Variants in CTNND2 observed in about 807,000 individuals in gnomAD.
The protein encoded by CTNND2 is catenin delta 2.
In CTNND2, 22 loss-of-function variants were observed where a neutral mutation model predicts 144.4. The ratio of observed to expected loss-of-function variants is 0.15; its 90% CI spans 0.11 to 0.22. The LOEUF is 0.22. CTNND2 is among the 10% of genes least tolerant of loss of function. CTNND2 has a pLI of 1.00. For synonymous variants in CTNND2, 751 were observed against 695.6 expected, an observed-to-expected ratio of 1.08 and a Z score of -1.25; for missense variants, 1,353 against 1,618.8, an observed-to-expected ratio of 0.84 and a Z score of 2.82.
chr5:11,314,848 C>A (rs201693252), intron 9 of CTNND2, among the ~76,000 whole-genome samples: 25,574 of 152,078 alleles, frequency 0.17, 2,471 homozygotes, highest in East Asian at 0.39. Context: ...ATGGGGTAGC[C>A]AGGGGTGGCT....
Position 11,384,838 on chromosome 5 carries a change from G to A in CTNND2, c.1004C>T (p.Pro335Leu), listed in dbSNP as rs896350842. 1 of 1,613,084 alleles carries A rather than the reference G, an allele frequency of 6.2e-7. No homozygotes were observed. Among genetic ancestry groups the A allele is most frequent in the East Asian group, 2.2e-5 (1 of 44,836 alleles). ...GGAGGAGATGGTGGACTGCACGGTGGGGGGCGAGGTCACGCGGATCGGGGA... is the reference window on the plus strand; with the variant it reads ...GGAGGAGATGGTGGACTGCACGGTGAGGGGCGAGGTCACGCGGATCGGGGA... ...GLSPIRVTSPPTVQSTISSSP... is the reference protein window; with the variant it reads ...GLSPIRVTSPLTVQSTISSSP... The change falls in exon 7 of 22, where the codon CCC (proline) becomes CTC (leucine). Residue 335 changes from proline (P) to leucine (L), a missense_variant. Around this residue, in one of 4 missense-constraint regions of CTNND2, gnomAD observed 708 missense variants for 706.4 expected, o/e 1.00. Transcript: ENST00000304623. The surrounding 1 kb of genome is among the most constrained non-coding windows in gnomAD (Gnocchi z 5.2).
In CTNND2 at chr5:11,407,509, C is replaced by A. The variant is rs1439368860; in HGVS notation, c.439+4027G>T. On this transcript the variant is annotated intron_variant, in intron 5 of 21. Coordinates refer to ENST00000304623, the MANE Select transcript of CTNND2 (RefSeq NM_001332.4). ...GGTCAAAAAGATGCGTACTGTGACT[C>A]AAATTTTATTTTAATCAGACCTTTG... Among the ~76,000 whole-genome samples, 3 of 152,152 alleles carry A rather than the reference C, an allele frequency of 2.0e-5. No homozygotes were observed. In the East Asian group the frequency reaches 5.8e-4, roughly 29 times the overall value.
intron 3 of CTNND2, among the ~76,000 whole-genome samples, chr5:11,509,066 G>A (rs1400259362): frequency 1.3e-5 from 2 of 152,124 alleles, no homozygotes; most frequent in South Asian, 2.1e-4. Flanking sequence ...TTTGACACAG[G>A]TAACTTTTTG....
At chr5:11,548,765 T>A (rs1775491042) in intron 3 of CTNND2, among the ~76,000 whole-genome samples, 1 of 152,216 alleles carries the variant, frequency 6.6e-6, no homozygotes, top group African/African-American at 2.4e-5. Flanking sequence ...ACATTTTGTT[T>A]CTTAAAATTC....
At chr5:11,683,402 A>T (rs1784508908) in intron 2 of CTNND2, among the ~76,000 whole-genome samples, 2 of 152,222 alleles carry the variant, frequency 1.3e-5, no homozygotes, top group Non-Finnish European at 1.5e-5. Context: ...CTCTTAAGTC[A>T]CATTTTTACA....
chr5:11,799,583 T>C (rs1791571924), intron 1 of CTNND2, among the ~76,000 whole-genome samples: 1 of 152,208 alleles, frequency 6.6e-6, no homozygotes, highest in Admixed American at 6.5e-5. Context: ...TACAGACTTT[T>C]TTGTGGAATT....
At chr5:11,480,012 A>T (rs551841189) in intron 3 of CTNND2, among the ~76,000 whole-genome samples, 28 of 152,228 alleles carry the variant, frequency 1.8e-4, no homozygotes, top group Non-Finnish European at 3.2e-4. Flanking sequence ...CTTAAGTTTA[A>T]TTAGATCCCA....
At chr5:11,049,367 G>A (rs185201530) in intron 16 of CTNND2, among the ~76,000 whole-genome samples, 2 of 152,156 alleles carry the variant, frequency 1.3e-5, no homozygotes, top group Non-Finnish European at 1.5e-5. Flanking sequence ...CCTCTCACTT[G>A]TCTGTGGAGT....
At chr5:11,332,419 T>C (rs1010714085) in intron 9 of CTNND2, among the ~76,000 whole-genome samples, 1 of 152,128 alleles carries the variant, frequency 6.6e-6, no homozygotes, top group Admixed American at 6.5e-5. Context: ...TTGGTTTCTG[T>C]CTATAGGAGG....
At chr5:11,631,779 C>T (rs1416363065) in intron 2 of CTNND2, among the ~76,000 whole-genome samples, 1 of 152,162 alleles carries the variant, frequency 6.6e-6, no homozygotes, top group Non-Finnish European at 1.5e-5. Context: ...TCTGATTGGC[C>T]TTGCCCCAGC....
chr5:11,619,499 T>C (rs1780735121), intron 2 of CTNND2, among the ~76,000 whole-genome samples: 1 of 152,198 alleles, frequency 6.6e-6, no homozygotes, highest in Non-Finnish European at 1.5e-5. Flanking sequence ...GAGAGTACAG[T>C]TGATATGTAG....
intron 2 of CTNND2, among the ~76,000 whole-genome samples, chr5:11,651,878 T>G (rs767142924): frequency 1.1e-4 from 16 of 152,192 alleles, no homozygotes; most frequent in Non-Finnish European, 1.3e-4. Context: ...TGTTTTTATT[T>G]TATTTATTTT....
intron 2 of CTNND2, among the ~76,000 whole-genome samples, chr5:11,661,523 G>A (rs1581684482): frequency 6.6e-6 from 1 of 151,874 alleles, no homozygotes; most frequent in East Asian, 1.9e-4. Context: ...AACATCATAG[G>A]ACCTATGTGA....
intron 15 of CTNND2, among the ~76,000 whole-genome samples, chr5:11,096,682 T>C (rs181415092): frequency 2.6e-5 from 4 of 152,300 alleles, no homozygotes; most frequent in African/African-American, 7.2e-5. Context: ...TTCTCCACTT[T>C]TAAGTTGTTA....
At chr5:11,381,673 A>G (rs1404276870) in intron 7 of CTNND2, among the ~76,000 whole-genome samples, 1 of 152,204 alleles carries the variant, frequency 6.6e-6, no homozygotes, top group Non-Finnish European at 1.5e-5. Context: ...AATCTAAAAA[A>G]CAAAATATTG....
At chr5:11,262,915 T>C (rs1451438081) in intron 9 of CTNND2, among the ~76,000 whole-genome samples, 1 of 151,992 alleles carries the variant, frequency 6.6e-6, no homozygotes, top group Non-Finnish European at 1.5e-5. Context: ...TTTAGAAACT[T>C]CAAAAAAGAC....
At chr5:11,338,154 G>T (rs192931787) in intron 9 of CTNND2, among the ~76,000 whole-genome samples, 3 of 152,326 alleles carry the variant, frequency 2.0e-5, no homozygotes, top group East Asian at 3.9e-4. Context: ...TGTAGCAGGG[G>T]TGTTAGGGAG....
chr5:11,796,267 T>C (rs1282402861), intron 1 of CTNND2, among the ~76,000 whole-genome samples: 3 of 152,216 alleles, frequency 2.0e-5, no homozygotes, highest in African/African-American at 7.2e-5. Context: ...GTTCCAGGGA[T>C]TAGGACAAGG....
chr5:11,501,594 G>A (rs114023673), intron 3 of CTNND2, among the ~76,000 whole-genome samples: 4 of 152,120 alleles, frequency 2.6e-5, no homozygotes, highest in East Asian at 1.9e-4. Context: ...TTACGTTGTC[G>A]CTCCCCAAAT....
Sources: allele counts gnomAD v4.1 joint callset (sites outside exome capture counted in the v4.1 genomes callset), GRCh38; gene constraint gnomAD v4.1.1; regional missense constraint gnomAD v4.1.1; non-coding constraint Gnocchi (gnomAD v3.1); transcripts MANE v1.5; gene names NCBI Gene and HGNC (gene_info 2026-07-23, HGNC 2026-07-21).